The following ITIH5 variants were observed in gnomAD, a reference collection of about 807,000 sequenced individuals.
ITIH5 encodes the protein inter-alpha-trypsin inhibitor heavy chain 5, also known as inter-alpha-trypsin inhibitor heavy chain H5.
Under a neutral mutation model 77.5 loss-of-function variants are expected in ITIH5, and 65 were observed. The observed-to-expected ratio is 0.84, with a 90% confidence interval of 0.69 to 1.03. The LOEUF is 1.03. Among genes scored for constraint, ITIH5 ranks in the 50% least tolerant of loss-of-function variants. ITIH5 has a pLI of 0.00. For missense variants in ITIH5, 1,208 were observed against 1,213.1 expected (o/e 1.00, Z 0.06); for synonymous variants, 525 against 494.3 (o/e 1.06, Z -0.82).
chr10:7,613,282 C>T (rs1379780803), intron 7 of ITIH5, among the ~76,000 whole-genome samples: 1 of 150,960 alleles, frequency 6.6e-6, no homozygotes, highest in Non-Finnish European at 1.5e-5. Context: ...AACTTGTAGC[C>T]CATAATGCGA....
intron 13 of ITIH5, among the ~76,000 whole-genome samples, chr10:7,564,901 TAC>T (rs1256003488): frequency 2.7e-5 from 2 of 72,748 alleles, no homozygotes; most frequent in Non-Finnish European, 2.8e-5. Flanking sequence ...TACATACATA[TAC>T]AGACTGTGTG....
chr10:7,589,113 C>A (rs72779140), intron 7 of ITIH5, among the ~76,000 whole-genome samples: 8 of 152,364 alleles, frequency 5.3e-5, no homozygotes, highest in Non-Finnish European at 1.2e-4. Flanking sequence ...GTTTCTTTTG[C>A]TTCATTTCTG....
At chr10:7,653,283 T>C (rs553008192) in intron 2 of ITIH5, among the ~76,000 whole-genome samples, 46 of 152,330 alleles carry the variant, frequency 3.0e-4, no homozygotes, top group African/African-American at 1.1e-3. Flanking sequence ...CTCAGCTCAC[T>C]GCAACCTATG....
At chr10:7,602,697 G>A (rs1833039285) in intron 7 of ITIH5, among the ~76,000 whole-genome samples, 1 of 152,170 alleles carries the variant, frequency 6.6e-6, no homozygotes, top group Admixed American at 6.5e-5. Flanking sequence ...TTTCTTCATA[G>A]CAGTGTGAGA....
intron 13 of ITIH5, among the ~76,000 whole-genome samples, chr10:7,564,964 C>T (rs1400260033): frequency 7.4e-6 from 1 of 134,506 alleles, no homozygotes. Context: ...TGTATACATA[C>T]ATATACATAT....
intron 5 of ITIH5, among the ~76,000 whole-genome samples, chr10:7,624,794 A>ATATATATATATGTATAT (rs1226558745): frequency 9.1e-5 from 3 of 32,830 alleles, no homozygotes; most frequent in Admixed American, 3.9e-4. Context: ...TAAAAAAAAA[A>ATATATATATATGTATAT]AAAAATATAT....
In ITIH5 at chr10:7,563,074, C is replaced by A. The variant is rs1194112302; in HGVS notation, c.*9G>T. 1.4e-5 allele frequency: 23 copies of A among 1,612,710 alleles called. No individual in the cohort carries two copies. Among genetic ancestry groups the A allele is most frequent in the Non-Finnish European group, 1.9e-5 (22 of 1,178,844 alleles). On this transcript the variant is annotated 3_prime_UTR_variant, in exon 14 of 14. Coordinates refer to ENST00000397146, the MANE Select transcript of ITIH5 (RefSeq NM_030569.7). ...CCTTCATGCACTTGCATCTTTAAGG[C>A]TGCCAGCTTCAGAGCTCCCTGGACA... is the stretch of plus-strand genomic sequence containing the variant.
chr10:7,607,088 T>C (rs994794909), intron 7 of ITIH5, among the ~76,000 whole-genome samples: 1 of 152,206 alleles, frequency 6.6e-6, no homozygotes, highest in Non-Finnish European at 1.5e-5. Flanking sequence ...CATCTGCTGG[T>C]AGCAACGTCT....
At chr10:7,631,976 T>G (rs1053709406) in intron 5 of ITIH5, among the ~76,000 whole-genome samples, 1 of 150,918 alleles carries the variant, frequency 6.6e-6, no homozygotes, top group Admixed American at 6.6e-5. Context: ...TTTTTTTTTT[T>G]TTAGTAGAAA....
In ITIH5 at chr10:7,562,056, G is replaced by C. The variant is rs1461905439; in HGVS notation, c.*1027C>G. The C allele has an allele frequency of 6.6e-6, 1 of 152,160 alleles. No individual in the cohort carries two copies. Among genetic ancestry groups the C allele is most frequent in the Non-Finnish European group, 1.5e-5 (1 of 68,060 alleles). 9.4% of individuals were successfully genotyped at this position (152,160 alleles called of 1,614,324 possible). A position where few individuals can be genotyped will look rare whatever the true frequency, so the allele number is the denominator to read the frequency against. On this transcript the variant is annotated 3_prime_UTR_variant, in exon 14 of 14. Coordinates refer to ENST00000397146, the MANE Select transcript of ITIH5 (RefSeq NM_030569.7). ...GACTTTTTTTCTATCTGACATGAGG[G>C]AAGCTGGAAGTCCTAGATTTCCTAA...
intron 7 of ITIH5, among the ~76,000 whole-genome samples, chr10:7,613,245 C>CAAAAA (rs58021308): frequency 1.4e-5 from 2 of 143,610 alleles, no homozygotes; most frequent in African/African-American, 5.5e-5. Flanking sequence ...GACTTCGTCT[C>CAAAAA]AAAAAAAAAA....
At chr10:7,580,448 G>A (rs572345550) in intron 8 of ITIH5, among the ~76,000 whole-genome samples, 1 of 152,296 alleles carries the variant, frequency 6.6e-6, no homozygotes, top group Non-Finnish European at 1.5e-5. Context: ...TGCAGTTCAC[G>A]CTCAACCACC....
At chr10:7,572,769 C>CT (rs1832326899) in intron 11 of ITIH5, 3 of 74,220 alleles carry the variant, frequency 4.0e-5, no homozygotes, top group Admixed American at 2.1e-4. Flanking sequence ...CTTGGTTTTA[C>CT]ACTTTTTTTT....
chr10:7,661,059 C>T (rs969694509), intron 1 of ITIH5, among the ~76,000 whole-genome samples: 1 of 152,160 alleles, frequency 6.6e-6, no homozygotes, highest in African/African-American at 2.4e-5. Flanking sequence ...AGGAGGCAAA[C>T]CCTATTGTGA....
At chr10:7,633,634 A>G (rs1833746779) in intron 5 of ITIH5, among the ~76,000 whole-genome samples, 1 of 150,132 alleles carries the variant, frequency 6.7e-6, no homozygotes, top group Admixed American at 6.7e-5. Context: ...TTTAGTAAGT[A>G]AGGTTTCTCA....
intron 1 of ITIH5, among the ~76,000 whole-genome samples, chr10:7,661,567 C>T: frequency 6.6e-6 from 1 of 152,176 alleles, no homozygotes. Context: ...CCAAATTTTT[C>T]TTCCTTGAAA....
chr10:7,625,625 C>T lies in ITIH5; in HGVS notation c.653-8343G>A, dbSNP rs146459193. 6.9e-3 allele frequency among the ~76,000 whole-genome samples: 1,045 copies of T among 151,970 alleles called. 15 individuals carry two copies. Among genetic ancestry groups the T allele is most frequent in the African/African-American group, 0.024 (1,002 of 41,440 alleles). On this transcript the variant is annotated intron_variant, in intron 5 of 13. Coordinates refer to ENST00000397146, the MANE Select transcript of ITIH5 (RefSeq NM_030569.7). ...ATTAAAAACACAAAAATTAGCCGGG[C>T]CTGGTGGCGTGAGCTTGTAACCCCA...
rs539402212 is a variant in ITIH5, at chr10:7,582,330, G to A, written c.1109-2266C>T. Among the ~76,000 whole-genome samples, 6 of 152,274 alleles carry A rather than the reference G, an allele frequency of 3.9e-5. No individual in the cohort carries two copies. The East Asian group carries it at 1.2e-3, about 29-fold the overall frequency. ...GGGAGACAGGTGGTTGGGTGGTTGA[G>A]GTTGAAACCCCAGCTACAGTGAGGT... On this transcript the variant is annotated intron_variant, in intron 8 of 13. Coordinates refer to ENST00000397146, the MANE Select transcript of ITIH5 (RefSeq NM_030569.7).
intron 5 of ITIH5, among the ~76,000 whole-genome samples, chr10:7,634,493 AC>A (rs950887408): frequency 2.0e-5 from 3 of 152,210 alleles, no homozygotes; most frequent in African/African-American, 7.2e-5. Context: ...CTGCTTTGGT[AC>A]AAGGAGCTAA....
Sources: allele counts gnomAD v4.1 joint callset (sites outside exome capture counted in the v4.1 genomes callset), GRCh38; gene constraint gnomAD v4.1.1; transcripts MANE v1.5; gene names NCBI Gene and HGNC (gene_info 2026-07-23, HGNC 2026-07-21).